The following DCC variants were observed in gnomAD, a reference collection of about 807,000 sequenced individuals.
DCC encodes netrin receptor DCC.
In DCC, 58 loss-of-function variants were observed where a neutral mutation model predicts 172.5. The ratio of observed to expected loss-of-function variants is 0.34; its 90% confidence interval spans 0.27 to 0.42. DCC has a LOEUF of 0.42. Among genes scored for constraint, DCC ranks in the 10% least tolerant of loss-of-function variants. The pLI is 1.00. For missense variants in DCC, 1,740 were observed against 1,791.0 expected, an observed-to-expected ratio of 0.97 and a Z score of 0.51; for synonymous variants, 709 against 644.5, an observed-to-expected ratio of 1.10 and a Z score of -1.52.
chr18:52,650,525 GT>G (rs1008001749), intron 1 of DCC, among the ~76,000 whole-genome samples: 1 of 151,418 alleles, frequency 6.6e-6, no homozygotes, highest in Non-Finnish European at 1.5e-5. Context: ...GCCAACCTCT[GT>G]TTTTTTTGTC....
At chr18:52,506,145 G>A (rs2031223376) in intron 1 of DCC, among the ~76,000 whole-genome samples, 1 of 151,802 alleles carries the variant, frequency 6.6e-6, no homozygotes, top group African/African-American at 2.4e-5. Flanking sequence ...TTTTACAGCT[G>A]GATATTTTAA....
intron 8 of DCC, among the ~76,000 whole-genome samples, chr18:53,174,364 C>T (rs1216012689): frequency 6.6e-6 from 1 of 151,398 alleles, no homozygotes; most frequent in African/African-American, 2.4e-5. Context: ...ACACAAAAAA[C>T]CCTTCAAAAA....
At chr18:53,287,430 A>C (rs899698757) in intron 12 of DCC, among the ~76,000 whole-genome samples, 4 of 152,188 alleles carry the variant, frequency 2.6e-5, no homozygotes, top group Non-Finnish European at 5.9e-5. Context: ...TATTGTGTGA[A>C]TAATGCTGCT....
chr18:53,014,699 G>A (rs1199263000), intron 5 of DCC, among the ~76,000 whole-genome samples: 1 of 151,984 alleles, frequency 6.6e-6, no homozygotes, highest in Admixed American at 6.6e-5. Flanking sequence ...GCACCTATGA[G>A]AAGGCTCACG....
At chr18:53,519,260 C>T (rs2046373111) in intron 27 of DCC, among the ~76,000 whole-genome samples, 3 of 152,088 alleles carry the variant, frequency 2.0e-5, no homozygotes, top group African/African-American at 7.2e-5. Flanking sequence ...AAACTAGGTC[C>T]TAGGCTAAAA....
At chr18:52,938,554 A>T (rs1276143765) in intron 5 of DCC, among the ~76,000 whole-genome samples, 2 of 152,134 alleles carry the variant, frequency 1.3e-5, no homozygotes, top group Non-Finnish European at 2.9e-5. Flanking sequence ...ATACCTTGCC[A>T]AATACTAAGA....
At chr18:52,812,337 AAT>A (rs1491013630) in intron 2 of DCC, among the ~76,000 whole-genome samples, 1 of 151,498 alleles carries the variant, frequency 6.6e-6, no homozygotes, top group Non-Finnish European at 1.5e-5. Context: ...TGCTTCTAAA[AAT>A]ATATACTTAT....
At chr18:52,947,881 T>C (rs2040573626) in intron 5 of DCC, among the ~76,000 whole-genome samples, 1 of 152,124 alleles carries the variant, frequency 6.6e-6, no homozygotes, top group Admixed American at 6.5e-5. Context: ...GAGGACACTG[T>C]GGTGGTATCA....
At chr18:52,913,666 G>C (rs191215481) in intron 3 of DCC, among the ~76,000 whole-genome samples, 1 of 152,048 alleles carries the variant, frequency 6.6e-6, no homozygotes, top group Non-Finnish European at 1.5e-5. Flanking sequence ...TCTTGGAAAG[G>C]AGAGAACCTG....
chr18:52,734,284 A>G (rs887177257), intron 1 of DCC, among the ~76,000 whole-genome samples: 4 of 152,142 alleles, frequency 2.6e-5, no homozygotes, highest in Non-Finnish European at 1.5e-5. Context: ...TCTGAAATAT[A>G]TAGTAAATTA....
At chr18:52,363,544 G>T (rs1434897134) in intron 1 of DCC, among the ~76,000 whole-genome samples, 1 of 152,136 alleles carries the variant, frequency 6.6e-6, no homozygotes, top group African/African-American at 2.4e-5. Context: ...TTTATCACTG[G>T]GGATATATGT....
At chr18:52,883,297 T>C (rs1047781395) in intron 2 of DCC, among the ~76,000 whole-genome samples, 15 of 151,762 alleles carry the variant, frequency 9.9e-5, no homozygotes, top group Admixed American at 5.3e-4. Context: ...CACTTTGTTA[T>C]TTGTTTTCTG....
intron 15 of DCC, among the ~76,000 whole-genome samples, chr18:53,361,066 G>A (rs2057939447): frequency 6.6e-6 from 1 of 152,120 alleles, no homozygotes; most frequent in Non-Finnish European, 1.5e-5. Flanking sequence ...TAAATCCCAT[G>A]ATGTGTCCAT....
In DCC at chr18:53,256,465, A is replaced by C. The variant is rs183272635; in HGVS notation, c.1911+40868A>C. On this transcript the variant is annotated intron_variant, in intron 12 of 28. Transcript: ENST00000442544. ...GTTTTCCCAGCACCATTTATTAAATAGGGAATCCTTTCCTGATTTCTTGTT... is the reference window on the plus strand; with the variant it reads ...GTTTTCCCAGCACCATTTATTAAATCGGGAATCCTTTCCTGATTTCTTGTT... Among the ~76,000 whole-genome samples the C allele has an allele frequency of 2.2e-3, 338 of 152,106 alleles. 1 individual carries two copies. The highest frequency in any genetic ancestry group is 7.7e-3 in the African/African-American group (319 of 41,572).
chr18:52,973,970 G>C (rs573262579), intron 5 of DCC, among the ~76,000 whole-genome samples: 48 of 152,000 alleles, frequency 3.2e-4, no homozygotes, highest in Non-Finnish European at 5.4e-4. Flanking sequence ...GTGTGGCGGA[G>C]GTGTGTGTGT....
intron 7 of DCC, among the ~76,000 whole-genome samples, chr18:53,125,932 A>T (rs1344687797): frequency 6.6e-6 from 1 of 152,154 alleles, no homozygotes; most frequent in East Asian, 1.9e-4. Context: ...GCATGTGCTG[A>T]TGTAGGAAGA....
chr18:53,125,930 T>G (rs905018726), intron 7 of DCC, among the ~76,000 whole-genome samples: 2 of 152,142 alleles, frequency 1.3e-5, no homozygotes, highest in African/African-American at 4.8e-5. Flanking sequence ...GAGCATGTGC[T>G]GATGTAGGAA....
chr18:52,841,106 G>C (rs1013942429), intron 2 of DCC, among the ~76,000 whole-genome samples: 1 of 152,128 alleles, frequency 6.6e-6, no homozygotes. Flanking sequence ...GTATCTCAGA[G>C]TAGGAAAGGT....
At chr18:53,304,589 T>A (rs1449960855) in intron 12 of DCC, among the ~76,000 whole-genome samples, 1 of 152,128 alleles carries the variant, frequency 6.6e-6, no homozygotes, top group African/African-American at 2.4e-5. Context: ...CCCCAGAGGA[T>A]AAAGCTACCA....
Sources: gnomAD v4.1 joint callset for allele counts (sites outside exome capture counted in the v4.1 genomes callset) on GRCh38, gnomAD v4.1.1 for gene constraint, MANE v1.5 for transcripts, NCBI Gene and HGNC (gene_info 2026-07-23, HGNC 2026-07-21) for gene names.